NAB1: variants seen among roughly 807,000 people sequenced by gnomAD.
NAB1 encodes the protein NGFI-A-binding protein 1.
NAB1 carries 25 observed loss-of-function variants against 49.9 expected under a neutral mutation model. The observed-to-expected ratio is 0.50, with a 90% CI of 0.37 to 0.70. The LOEUF (loss-of-function observed/expected upper bound fraction) is 0.70, where lower values mean the gene tolerates loss of function less well. Among genes scored for constraint, NAB1 ranks in the 30% least tolerant of loss-of-function variants. NAB1 has a pLI of 0.00. For missense variants in NAB1, 489 were observed against 575.9 expected, an observed-to-expected ratio of 0.85 and a Z score of 1.54; for synonymous variants, 198 against 215.6, an observed-to-expected ratio of 0.92 and a Z score of 0.71.
intron 6 of NAB1, among the ~76,000 whole-genome samples, chr2:190,673,761 G>C (rs949100063): frequency 2.0e-5 from 3 of 152,174 alleles, no homozygotes; most frequent in African/African-American, 7.2e-5. Context: ...AGAGTGTCAC[G>C]GTTGAGGCTG....
At position 190,685,411 on chromosome 2, in the gene NAB1, TC is replaced by T; in HGVS notation, c.1096-64del. 3 of 1,422,248 alleles carry T rather than the reference TC, an allele frequency of 2.1e-6. No homozygotes were observed. Among genetic ancestry groups the T allele is most frequent in the Non-Finnish European group, 1.9e-6 (2 of 1,062,024 alleles). The allele number at this position is 1,422,248 out of a possible 1,614,324, so 88.1% of individuals were successfully genotyped here. On this transcript the variant is annotated intron_variant, in intron 7 of 9. Coordinates refer to ENST00000337386, the MANE Select transcript of NAB1 (RefSeq NM_005966.4). This position sits in a 1 kb window ranked among gnomAD's most constrained non-coding sequence, Gnocchi z 4.5. ...TATTTGCTGGAGTCTGAAATTGGCA[TC>T]TTTAAACCATTAAAAAATCTAGAAT...
rs771850102 is a variant in NAB1 at position 190,691,893 on chromosome 2, C to T, written c.*1560C>T. On this transcript the variant is annotated 3_prime_UTR_variant, in exon 10 of 10. Coordinates refer to ENST00000337386, the MANE Select transcript of NAB1 (RefSeq NM_005966.4). The surrounding 1 kb of genome is among the most constrained non-coding windows in gnomAD (Gnocchi z 4.1). ...GCACTGTAGTCTCAGATCACTGTCA[C>T]GTATATAAATTGCTTCTTCATTTTA... 7 of 152,380 alleles carry T rather than the reference C, an allele frequency of 4.6e-5. No homozygotes were observed. Among genetic ancestry groups the T allele is most frequent in the African/African-American group, 7.2e-5 (3 of 41,438 alleles). 9.4% of individuals were successfully genotyped at this position (152,380 alleles called of 1,614,324 possible).
Position 190,659,537 on chromosome 2 carries a change from C to T in NAB1, c.361C>T (p.Arg121Trp), listed in dbSNP as rs772814531. Residue 121 changes from arginine (R) to tryptophan (W), a missense_variant, in exon 4 of 10, where the codon CGG (arginine) becomes TGG (tryptophan). Physicochemically the swap from Arg to Trp is moderately radical, Grantham distance 101. This residue lies in a region of NAB1 where 204 missense variants were observed against 220.9 expected (regional missense o/e 0.92). Transcript: ENST00000337386. This position sits in a 1 kb window ranked among gnomAD's most constrained non-coding sequence, Gnocchi z 6.2. ...TAGTTATGAAAGGAGTAGCAATGCC[C>T]GGGAACCTCATTTAAAAATCCCCAA... The part of the protein sequence containing the change: ...CSSYERSSNA[R>W]EPHLKIPKCA... 19 of 1,614,054 alleles carry T rather than the reference C, an allele frequency of 1.2e-5. No individual in the cohort carries two copies. Among genetic ancestry groups the T allele is most frequent in the Admixed American group, 5.0e-5 (3 of 59,992 alleles).
At position 190,679,157 on chromosome 2, in the gene NAB1, A is replaced by G. The variant is rs541581450; in HGVS notation, c.1006-4581A>G. Among the ~76,000 whole-genome samples the G allele has an allele frequency of 3.9e-5, 6 of 152,362 alleles. No individual in the cohort carries two copies. Among genetic ancestry groups the G allele is most frequent in the Admixed American group, 6.5e-5 (1 of 15,310 alleles). Reference sequence around the variant, plus strand: ...GGTGCAGCTAGCTGGTGCCTGGGAAACAAGCTTACGAGACATAACGAAATT... The same window carrying G: ...GGTGCAGCTAGCTGGTGCCTGGGAAGCAAGCTTACGAGACATAACGAAATT... On this transcript the variant is annotated intron_variant, in intron 6 of 9. Transcript: ENST00000337386. The surrounding 1 kb of genome is among the most constrained non-coding windows in gnomAD (Gnocchi z 5.3).
chr2:190,686,420 GTTA>G lies in NAB1; in HGVS notation c.1259-775_1259-773del, dbSNP rs772640236. ...TATTGTTATACTTTTCTAGAGAGTGGTTATTATTGTAAAAAAATAAAAGGATTC... is the reference window on the plus strand; with the variant it reads ...TATTGTTATACTTTTCTAGAGAGTGGTTATTGTAAAAAAATAAAAGGATTC... On this transcript the variant is annotated intron_variant, in intron 8 of 9. Coordinates refer to ENST00000337386, the MANE Select transcript of NAB1 (RefSeq NM_005966.4). The surrounding 1 kb of genome is among the most constrained non-coding windows in gnomAD (Gnocchi z 5.5). 1.4e-4 allele frequency among the ~76,000 whole-genome samples: 22 copies of G among 152,120 alleles called. No individual in the cohort carries two copies. Among genetic ancestry groups the G allele is most frequent in the Non-Finnish European group, 2.9e-4 (20 of 68,022 alleles).
chr2:190,658,741 T>C (rs566639027), intron 3 of NAB1, among the ~76,000 whole-genome samples: 1 of 152,356 alleles, frequency 6.6e-6, no homozygotes, highest in South Asian at 2.1e-4. Context: ...TGTAAAGTGT[T>C]TATTGTATTG....
Position 190,678,983 on chromosome 2 carries a change from T to C in NAB1, c.1006-4755T>C, listed in dbSNP as rs1695203488. Among the ~76,000 whole-genome samples, 1 of 152,112 alleles carries C rather than the reference T, an allele frequency of 6.6e-6. No homozygotes were observed. Among genetic ancestry groups the C allele is most frequent in the Non-Finnish European group, 1.5e-5 (1 of 68,018 alleles). ...GAGGAGGCATGGGGATGGAGACCAATGGGATGAGAGTAATTAGGTCATGCA... is the reference window on the plus strand; with the variant it reads ...GAGGAGGCATGGGGATGGAGACCAACGGGATGAGAGTAATTAGGTCATGCA... On this transcript the variant is annotated intron_variant, in intron 6 of 9. Coordinates refer to ENST00000337386, the MANE Select transcript of NAB1 (RefSeq NM_005966.4). The surrounding 1 kb of genome is among the most constrained non-coding windows in gnomAD (Gnocchi z 4.9).
chr2:190,673,437 A>G (rs1694919782), intron 6 of NAB1, among the ~76,000 whole-genome samples: 1 of 152,126 alleles, frequency 6.6e-6, no homozygotes, highest in African/African-American at 2.4e-5. Flanking sequence ...CCTGGGCTCA[A>G]GTGATCCTCC....
Position 190,667,843 on chromosome 2 carries a change from A to G in NAB1, c.820-2483A>G, listed in dbSNP as rs1423051966. The stretch of plus-strand genomic sequence containing the variant: ...TGGAACATTTATATATTATTAGAGT[A>G]GGAAGAGATTTTCTTTGCCTGTCAC... On this transcript the variant is annotated intron_variant, in intron 4 of 9. Coordinates refer to ENST00000337386, the MANE Select transcript of NAB1 (RefSeq NM_005966.4). This position sits in a 1 kb window ranked among gnomAD's most constrained non-coding sequence, Gnocchi z 4.4. Among the ~76,000 whole-genome samples the G allele has an allele frequency of 2.6e-5, 4 of 152,176 alleles. No homozygotes were observed. Among genetic ancestry groups the G allele is most frequent in the Non-Finnish European group, 5.9e-5 (4 of 67,992 alleles).
In NAB1 at chr2:190,678,545, A is replaced by G. The variant is rs1030506157; in HGVS notation, c.1006-5193A>G. On this transcript the variant is annotated intron_variant, in intron 6 of 9. Coordinates refer to ENST00000337386, the MANE Select transcript of NAB1 (RefSeq NM_005966.4). The surrounding 1 kb of genome is among the most constrained non-coding windows in gnomAD (Gnocchi z 4.9). ...ATGACAGCATTCTTGACCCTGTGGG[A>G]GTCAGAGGTGCAAAGCATTCAGAGA... Among the ~76,000 whole-genome samples the G allele has an allele frequency of 1.1e-4, 17 of 152,244 alleles. No individual in the cohort carries two copies. In the South Asian group the frequency reaches 1.2e-3, roughly 11 times the overall value.
rs924390230 is a variant in NAB1 at position 190,682,487 on chromosome 2, A to C, written c.1006-1251A>C. 5.9e-5 allele frequency among the ~76,000 whole-genome samples: 9 copies of C among 152,242 alleles called. No homozygotes were observed. The highest frequency in any genetic ancestry group is 1.2e-4 in the Non-Finnish European group (8 of 68,046). On this transcript the variant is annotated intron_variant, in intron 6 of 9. Transcript: ENST00000337386. The surrounding 1 kb of genome is among the most constrained non-coding windows in gnomAD (Gnocchi z 4.1). ...ACATGAAGGAATCCTTGAGCAATTCAGGTTGGGATTATCGGTTAGCACTTT... is the reference window on the plus strand; with the variant it reads ...ACATGAAGGAATCCTTGAGCAATTCCGGTTGGGATTATCGGTTAGCACTTT...
chr2:190,676,933 A>C lies in NAB1; in HGVS notation c.1005+3781A>C, dbSNP rs1045080792. 6.6e-6 allele frequency: 1 copy of C among 152,244 alleles called. No individual in the cohort carries two copies. The allele number at this position is 152,244 out of a possible 1,614,324, so 9.4% of individuals were successfully genotyped here. ...TGTAATGTTGAGCAGATAAAATAAA[A>C]TAACATCAAAATAATTTGACATGTA... is the stretch of plus-strand genomic sequence containing the variant. On this transcript the variant is annotated intron_variant, in intron 6 of 9. Coordinates refer to ENST00000337386, the MANE Select transcript of NAB1 (RefSeq NM_005966.4). The surrounding 1 kb of genome is among the most constrained non-coding windows in gnomAD (Gnocchi z 4.6).
intron 4 of NAB1, among the ~76,000 whole-genome samples, chr2:190,664,116 C>T (rs1213476565): frequency 1.3e-5 from 2 of 152,184 alleles, no homozygotes; most frequent in Admixed American, 1.3e-4. Flanking sequence ...CTTATTAATT[C>T]TGTCATTCAA....
At position 190,654,487 on chromosome 2, in the gene NAB1, G is replaced by A. The variant is rs1274912420; in HGVS notation, c.-196-1490G>A. On this transcript the variant is annotated intron_variant, in intron 2 of 9. Coordinates refer to ENST00000337386, the MANE Select transcript of NAB1 (RefSeq NM_005966.4). This position sits in a 1 kb window ranked among gnomAD's most constrained non-coding sequence, Gnocchi z 5.6. ...TTTGGGAAAGGCTGTGAAGGTTGGA[G>A]GGAGAGAGGATGCCTGGCACAGGGG... Among the ~76,000 whole-genome samples, 1 of 152,188 alleles carries A rather than the reference G, an allele frequency of 6.6e-6. No individual in the cohort carries two copies. Among genetic ancestry groups the A allele is most frequent in the Non-Finnish European group, 1.5e-5 (1 of 68,036 alleles).
intron 3 of NAB1, among the ~76,000 whole-genome samples, chr2:190,656,953 G>A (rs1052692138): frequency 6.6e-6 from 1 of 152,116 alleles, no homozygotes; most frequent in African/African-American, 2.4e-5. Context: ...GATAGTGTGT[G>A]TACTACTGAG....
At position 190,685,710 on chromosome 2, in the gene NAB1, T is replaced by A; in HGVS notation, c.1258+72T>A. The A allele has an allele frequency of 8.4e-7, 1 of 1,188,486 alleles. No individual in the cohort carries two copies. Among genetic ancestry groups the A allele is most frequent in the Non-Finnish European group, 1.1e-6 (1 of 903,490 alleles). The allele number at this position is 1,188,486 out of a possible 1,614,324, so 73.6% of individuals were successfully genotyped here. A position where few individuals can be genotyped will look rare whatever the true frequency, so the allele number is the denominator to read the frequency against. Reference sequence around the variant, plus strand: ...TCAAAGAGAAACAGAAGACAGTGGCTGATTTTTAAATTATGATATTTTGTA... The same window carrying A: ...TCAAAGAGAAACAGAAGACAGTGGCAGATTTTTAAATTATGATATTTTGTA... On this transcript the variant is annotated intron_variant, in intron 8 of 9. Transcript: ENST00000337386. This position sits in a 1 kb window ranked among gnomAD's most constrained non-coding sequence, Gnocchi z 4.5.
Position 190,670,213 on chromosome 2 carries a change from AATAATGATT to A in NAB1, c.820-112_820-104del. The A allele has an allele frequency of 9.8e-7, 1 of 1,021,658 alleles. No individual in the cohort carries two copies. The highest frequency in any genetic ancestry group is 1.4e-6 in the Non-Finnish European group (1 of 730,884). The allele number at this position is 1,021,658 out of a possible 1,614,324, so 63.3% of individuals were successfully genotyped here. A position where few individuals can be genotyped will look rare whatever the true frequency, so the allele number is the denominator to read the frequency against. On this transcript the variant is annotated intron_variant, in intron 4 of 9. Coordinates refer to ENST00000337386, the MANE Select transcript of NAB1 (RefSeq NM_005966.4). This position sits in a 1 kb window ranked among gnomAD's most constrained non-coding sequence, Gnocchi z 5.3. ...AATAAATACCATTCTGATTTTTATG[AATAATGATT>A]CCATTATATAATGGTGTAACATTCT...
In NAB1 at chr2:190,690,344, T is replaced by C. The variant is rs745375173; in HGVS notation, c.*11T>C. On this transcript the variant is annotated 3_prime_UTR_variant, in exon 10 of 10. Coordinates refer to ENST00000337386, the MANE Select transcript of NAB1 (RefSeq NM_005966.4). ...GAAGATTCAAGATAGCTGTGATTTC[T>C]CTCACCGTTCTCTGGAAATGGCATC... The C allele has an allele frequency of 6.4e-7, 1 of 1,572,502 alleles. No homozygotes were observed. Among genetic ancestry groups the C allele is most frequent in the Admixed American group, 1.7e-5 (1 of 59,860 alleles).
intron 2 of NAB1, among the ~76,000 whole-genome samples, chr2:190,650,240 C>T (rs1362214910): frequency 6.6e-6 from 1 of 152,070 alleles, no homozygotes; most frequent in Admixed American, 6.6e-5. Context: ...ATTCGGGAGG[C>T]ACGGAAAATT....
Sources: gnomAD v4.1 joint callset for allele counts (sites outside exome capture counted in the v4.1 genomes callset) on GRCh38, gnomAD v4.1.1 for gene constraint, gnomAD v4.1.1 regional missense constraint, Gnocchi (gnomAD v3.1) non-coding constraint, MANE v1.5 for transcripts, NCBI Gene and HGNC (gene_info 2026-07-23, HGNC 2026-07-21) for gene names.